PHF23: variants seen among roughly 807,000 people sequenced by gnomAD.
PHF23 encodes PDH-containing protein JUNE-1.
Under a neutral mutation model 36.0 loss-of-function variants are expected in PHF23, and 3 were observed. That is an observed-to-expected ratio of 0.08 (90% CI 0.04 to 0.22). The LOEUF is 0.22. Among genes scored for constraint, PHF23 ranks in the 10% least tolerant of loss-of-function variants. PHF23 has a pLI of 1.00. For synonymous variants in PHF23, 242 were observed against 192.5 expected, an observed-to-expected ratio of 1.26 and a Z score of -2.13; for missense variants, 475 against 513.6, an observed-to-expected ratio of 0.92 and a Z score of 0.73.
In PHF23 at chr17:7,237,659, A is replaced by G; in HGVS notation, c.36T>C (p.Asp12=). Residue 12 remains aspartate (D), a splice_region_variant and synonymous_variant, in exon 2 of 5, where the codon GAT becomes GAC. Coordinates refer to ENST00000320316, the MANE Select transcript of PHF23 (RefSeq NM_024297.3). ...TCTCTGGCTTAAGGGTCGGAGGTGG[A>G]TCTGGAAAAGCAATAAAAGCTGAGT... ...LEAMAEPSPE[D]PPPTLKPETQ... The G allele has an allele frequency of 4.3e-6, 7 of 1,613,856 alleles. No homozygotes were observed. The highest frequency in any genetic ancestry group is 5.9e-6 in the Non-Finnish European group (7 of 1,179,880).
At position 7,239,393 on chromosome 17, in the gene PHF23, G is replaced by A. The variant is rs2071747752; in HGVS notation, c.-114C>T. 1 of 557,348 alleles carries A rather than the reference G, an allele frequency of 1.8e-6. No homozygotes were observed. Among genetic ancestry groups the A allele is most frequent in the Admixed American group, 2.7e-5 (1 of 36,796 alleles). The allele number at this position is 557,348 out of a possible 1,614,324, so 34.5% of individuals were successfully genotyped here. A position where few individuals can be genotyped will look rare whatever the true frequency, so the allele number is the denominator to read the frequency against. Reference sequence around the variant, plus strand: ...TCGCTCCACAGAAGTGTCCGCCTCAGCCCGGTTGAGACTCGAGTCCGCTAG... The same window carrying A: ...TCGCTCCACAGAAGTGTCCGCCTCAACCCGGTTGAGACTCGAGTCCGCTAG... On this transcript the variant is annotated 5_prime_UTR_variant, in exon 1 of 5. Transcript: ENST00000320316.
intron 3 of PHF23, among the ~76,000 whole-genome samples, 154 bp downstream of exon 3, chr17:7,237,231 T>G (rs2071686730): frequency 6.6e-6 from 1 of 152,096 alleles, no homozygotes; most frequent in African/African-American, 2.4e-5. Context: ...GCATACCAGC[T>G]TTCCTACCAC....
chr17:7,238,675 C>A (rs1486690313), intron 1 of PHF23: 1 of 971,346 alleles, frequency 1.0e-6, no homozygotes, highest in East Asian at 7.0e-5. Context: ...CTACAACTAC[C>A]CAGCTCGCCT....
At chr17:7,237,500 C>T in intron 2 of PHF23, 23 bp from the exon 3 acceptor site, 3 of 1,610,660 alleles carry the variant, frequency 1.9e-6, no homozygotes, top group South Asian at 2.2e-5. Flanking sequence ...AGATATGGAT[C>T]ACATGCAAAG....
rs2071681522 is a variant in PHF23 at position 7,236,892 on chromosome 17, A to T, written c.160-125T>A. On this transcript the variant is annotated intron_variant, in intron 3 of 4. Transcript: ENST00000320316. The surrounding 1 kb of genome is among the most constrained non-coding windows in gnomAD (Gnocchi z 5.1). The stretch of plus-strand genomic sequence containing the variant: ...TGTCCTACCTCAACCACTAAATCCC[A>T]CTGTACTCCAAAAACTTCTCCCCAC... The T allele has an allele frequency of 3.5e-6, 5 of 1,448,556 alleles. No homozygotes were observed. Among genetic ancestry groups the T allele is most frequent in the Non-Finnish European group, 4.5e-6 (5 of 1,108,570 alleles). The allele number at this position is 1,448,556 out of a possible 1,614,324, so 89.7% of individuals were successfully genotyped here.
At chr17:7,238,736 G>A (rs766807402) in intron 1 of PHF23, 93 of 1,518,620 alleles carry the variant, frequency 6.1e-5, no homozygotes, top group Non-Finnish European at 7.8e-5. Context: ...AGGTCCGTCT[G>A]CCGTAGACAA....
Position 7,236,611 on chromosome 17 carries a change from G to C in PHF23, c.316C>G (p.Pro106Ala). Residue 106 changes from proline (P) to alanine (A), a missense_variant, in exon 4 of 5, where the codon CCC becomes GCC. Coordinates refer to ENST00000320316, the MANE Select transcript of PHF23 (RefSeq NM_024297.3). The surrounding 1 kb of genome is among the most constrained non-coding windows in gnomAD (Gnocchi z 5.1). ...GACCTTGGGGGTCCTGGCTGGGTGGGACCTGCTTGAGCTGCCCTTCTCTTG... is the reference window on the plus strand; with the variant it reads ...GACCTTGGGGGTCCTGGCTGGGTGGCACCTGCTTGAGCTGCCCTTCTCTTG... ...SSKRRAAQAG[P>A]TQPGPPRSTF... 1 of 1,614,176 alleles carries C rather than the reference G, an allele frequency of 6.2e-7. No individual in the cohort carries two copies. Among genetic ancestry groups the C allele is most frequent in the Non-Finnish European group, 8.5e-7 (1 of 1,180,034 alleles).
Position 7,235,654 on chromosome 17 carries a change from C to T in PHF23, c.1184G>A (p.Gly395Glu). 1 of 1,613,990 alleles carries T rather than the reference C, an allele frequency of 6.2e-7. No individual in the cohort carries two copies. The highest frequency in any genetic ancestry group is 8.5e-7 in the Non-Finnish European group (1 of 1,180,030). ...KELRPEARRL[G>E]GPPKSGEP is the part of the protein sequence containing the mutation. The stretch of plus-strand genomic sequence containing the variant: ...GGGCTCTCCAGATTTGGGAGGCCCC[C>T]CTAACCGCCGGGCCTCTGGCCTCAG... Residue 395 changes from glycine to glutamate, a missense_variant, in exon 5 of 5, where the codon GGG (glycine) becomes GAG (glutamate). Coordinates refer to ENST00000320316, the MANE Select transcript of PHF23 (RefSeq NM_024297.3).
chr17:7,240,159 A>AT (rs908226974), upstream of PHF23: 4 of 152,198 alleles, frequency 2.6e-5, no homozygotes, highest in Non-Finnish European at 4.4e-5. Flanking sequence ...TTACATGAGC[A>AT]TTTTTAACAT....
At chr17:7,240,662 G>A, upstream of PHF23, 1 of 567,324 alleles carries the variant, frequency 1.8e-6, no homozygotes, top group East Asian at 3.0e-5. Context: ...AAAGGAGAAA[G>A]GAGAGTTACA....
chr17:7,240,709 C>A (rs138393563), upstream of PHF23: 153 of 644,592 alleles, frequency 2.4e-4, 1 homozygote, highest in African/African-American at 2.7e-3. Context: ...CTAAGAGAGG[C>A]TGGAGAGAAA....
chr17:7,238,561 C>T, intron 1 of PHF23: 1 of 1,181,906 alleles, frequency 8.5e-7, no homozygotes, highest in Non-Finnish European at 1.0e-6. Flanking sequence ...CGATGCCCCC[C>T]TCACCCTCAG....
Position 7,236,266 on chromosome 17 carries a change from GCTTCTTGCT to G in PHF23, c.652_660del (p.Ser218_Lys220del). 1 of 1,613,438 alleles carries G rather than the reference GCTTCTTGCT, an allele frequency of 6.2e-7. No individual in the cohort carries two copies. Among genetic ancestry groups the G allele is most frequent in the Non-Finnish European group, 8.5e-7 (1 of 1,179,682 alleles). ...CCCCGTTCTGCCTTTTTTAACTTCC[GCTTCTTGCT>G]CTTCTTGATTCGAGATCTCTTTTCC... On this transcript the variant is annotated inframe_deletion, in exon 4 of 5. Transcript: ENST00000320316. The surrounding 1 kb of genome is among the most constrained non-coding windows in gnomAD (Gnocchi z 5.1).
Position 7,239,268 on chromosome 17 carries a change from G to A in PHF23, c.12C>T (p.Ala4=), listed in dbSNP as rs371611509. The part of the protein sequence containing the change: MLE[A]MAEPSPEDPP... ...CACCTTCGGGACTGGGCTCCGCCAT[G>A]GCTTCCAGCATCGCCCCCTCCCCTC... is the stretch of plus-strand genomic sequence containing the variant. The change falls in exon 1 of 5, where the codon GCC becomes GCT. Residue 4 remains alanine, a synonymous_variant. Coordinates refer to ENST00000320316, the MANE Select transcript of PHF23 (RefSeq NM_024297.3). 18 of 1,535,616 alleles carry A rather than the reference G, an allele frequency of 1.2e-5. No individual in the cohort carries two copies. Among genetic ancestry groups the A allele is most frequent in the Non-Finnish European group, 1.6e-5 (18 of 1,119,894 alleles).
chr17:7,238,536 C>T (rs1173588918), intron 1 of PHF23: 1 of 1,135,694 alleles, frequency 8.8e-7, no homozygotes, highest in Non-Finnish European at 1.1e-6. Context: ...CCACAGCAGC[C>T]ACCGCTGCTG....
intron 1 of PHF23, 46 bp downstream of exon 1, chr17:7,239,200 G>A: frequency 7.4e-7 from 1 of 1,344,650 alleles, no homozygotes; most frequent in Non-Finnish European, 1.0e-6. Context: ...TTGATTCCTC[G>A]CCCGCCCCCC....
At chr17:7,238,827 G>A (rs900683584) in intron 1 of PHF23, 2 of 1,532,550 alleles carry the variant, frequency 1.3e-6, no homozygotes, top group African/African-American at 1.4e-5. Context: ...GCAACTACTC[G>A]GAGCTCCGGT....
chr17:7,237,690 CACTAGGAACAATCTGTGT>C, intron 1 of PHF23, 30 bp from the exon 2 acceptor site: 1 of 1,612,808 alleles, frequency 6.2e-7, no homozygotes, highest in South Asian at 1.1e-5. Flanking sequence ...TGAGTCAAGA[CACTAGGAACAATCTGTGT>C]AAAACTCCCC....
At chr17:7,238,759 C>G (rs1386479221) in intron 1 of PHF23, 2 of 1,532,664 alleles carry the variant, frequency 1.3e-6, no homozygotes, top group South Asian at 1.2e-5. Context: ...CCCAGACCCC[C>G]TCTTCTCCCC....
Sources: gnomAD v4.1 joint callset for allele counts (sites outside exome capture counted in the v4.1 genomes callset) on GRCh38, gnomAD v4.1.1 for gene constraint, Gnocchi (gnomAD v3.1) non-coding constraint, MANE v1.5 for transcripts, NCBI Gene and HGNC (gene_info 2026-07-23, HGNC 2026-07-21) for gene names.